MYT1L: variants seen among roughly 807,000 people sequenced by gnomAD.
MYT1L encodes the protein myelin transcription factor 1 like, also known as myelin transcription factor 1-like protein.
A neutral mutation model predicts 126.7 loss-of-function variants in MYT1L; 12 were observed. The ratio of observed to expected loss-of-function variants is 0.09; its 90% CI spans 0.06 to 0.15. The LOEUF is 0.15. Among genes scored for constraint, MYT1L ranks in the 10% least tolerant of loss-of-function variants. The pLI is 1.00. For missense variants in MYT1L, 979 were observed against 1,585.2 expected (o/e 0.62, Z 6.49); for synonymous variants, 541 against 604.2 (o/e 0.90, Z 1.53).
At chr2:2,129,855 G>A (rs1038526895) in intron 3 of MYT1L, among the ~76,000 whole-genome samples, 4 of 149,936 alleles carry the variant, frequency 2.7e-5, no homozygotes, top group Non-Finnish European at 4.4e-5. Flanking sequence ...GCAGTGAGCC[G>A]AGATTGGGCC....
intron 3 of MYT1L, among the ~76,000 whole-genome samples, chr2:2,127,306 C>T (rs1160561395): frequency 6.6e-6 from 1 of 152,188 alleles, no homozygotes; most frequent in African/African-American, 2.4e-5. Context: ...ATTATGCACA[C>T]ACACTGAAGC....
chr2:2,290,649 C>T (rs574873452), intron 1 of MYT1L, among the ~76,000 whole-genome samples: 246 of 152,298 alleles, frequency 1.6e-3, no homozygotes, highest in Non-Finnish European at 3.0e-3. Flanking sequence ...CACACATGCT[C>T]TGACGTAGAG....
intron 4 of MYT1L, among the ~76,000 whole-genome samples, chr2:2,009,244 T>C (rs915702784): frequency 6.6e-6 from 1 of 152,168 alleles, no homozygotes; most frequent in African/African-American, 2.4e-5. Context: ...ATTGCTATTG[T>C]TGCTATTGAA....
chr2:2,046,796 C>A (rs888391994), intron 4 of MYT1L, among the ~76,000 whole-genome samples: 1 of 152,168 alleles, frequency 6.6e-6, no homozygotes, highest in Non-Finnish European at 1.5e-5. Flanking sequence ...AGGATACACC[C>A]TTTCTGAGCT....
At chr2:2,240,830 C>T (rs2094425151) in intron 2 of MYT1L, among the ~76,000 whole-genome samples, 1 of 152,182 alleles carries the variant, frequency 6.6e-6, no homozygotes, top group Non-Finnish European at 1.5e-5. Context: ...TCTATTCCTA[C>T]CACTGTCATG....
chr2:2,164,659 G>A (rs2088702023), intron 3 of MYT1L, among the ~76,000 whole-genome samples: 1 of 152,200 alleles, frequency 6.6e-6, no homozygotes, highest in Admixed American at 6.5e-5. Context: ...GGGAATGAAT[G>A]AGAAGAAATA....
intron 4 of MYT1L, among the ~76,000 whole-genome samples, chr2:2,042,670 C>T (rs566493061): frequency 6.6e-6 from 1 of 152,268 alleles, no homozygotes; most frequent in South Asian, 2.1e-4. Context: ...CCTGTCCCTG[C>T]ACCAATGGTC....
At chr2:1,919,881 ACCACGC>A (rs1031957582) in intron 10 of MYT1L, among the ~76,000 whole-genome samples, 5 of 151,970 alleles carry the variant, frequency 3.3e-5, no homozygotes, top group Admixed American at 2.6e-4. Context: ...GGCGCCCACC[ACCACGC>A]CCGGCTGACT....
At chr2:2,245,906 G>A (rs192819118) in intron 2 of MYT1L, among the ~76,000 whole-genome samples, 1 of 152,226 alleles carries the variant, frequency 6.6e-6, no homozygotes, top group East Asian at 1.9e-4. Flanking sequence ...CACACGGGTG[G>A]CCTCTAGAAG....
At chr2:2,243,094 C>T (rs1450291385) in intron 2 of MYT1L, among the ~76,000 whole-genome samples, 1 of 152,062 alleles carries the variant, frequency 6.6e-6, no homozygotes, top group Non-Finnish European at 1.5e-5. Context: ...GAAGGAAGGG[C>T]CCCAGGTGGA....
chr2:2,002,404 T>C (rs2062482902), intron 4 of MYT1L, among the ~76,000 whole-genome samples: 1 of 152,194 alleles, frequency 6.6e-6, no homozygotes, highest in African/African-American at 2.4e-5. Context: ...TATCTCTCAG[T>C]TTCATGTAGA....
Position 1,892,286 on chromosome 2 carries a change from C to T in MYT1L, c.2034G>A (p.Ala678=), listed in dbSNP as rs1171415102. ...RDISPKGYDD[A]KRYCKDPSPS... is the part of the protein sequence containing the mutation. ...GGCTGGGGTCCTTGCAGTACCGCTT[C>T]GCTGGGGAGACAGGGACAGGGATGA... Residue 678 remains alanine, a splice_region_variant and synonymous_variant, in exon 15 of 25, where the codon GCG becomes GCA. Transcript: ENST00000647738. 3.9e-6 allele frequency: 6 copies of T among 1,547,726 alleles called. No homozygotes were observed. Among genetic ancestry groups the T allele is most frequent in the Non-Finnish European group, 4.4e-6 (5 of 1,145,844 alleles).
At position 1,801,543 on chromosome 2, in the gene MYT1L, G is replaced by A; in HGVS notation, c.3276+153C>T. 1.7e-6 allele frequency: 1 copy of A among 591,546 alleles called. No individual in the cohort carries two copies. Among genetic ancestry groups the A allele is most frequent in the Non-Finnish European group, 3.0e-6 (1 of 335,552 alleles). The allele number at this position is 591,546 out of a possible 1,614,324, so 36.6% of individuals were successfully genotyped here. ...CGAACACTGCCACGGAATGGTGTCT[G>A]CGGAAGACCAATATCATAAGGTGGA... is the stretch of plus-strand genomic sequence containing the variant. On this transcript the variant is annotated intron_variant, in intron 23 of 24. Transcript: ENST00000647738. This position sits in a 1 kb window ranked among gnomAD's most constrained non-coding sequence, Gnocchi z 4.2.
intron 2 of MYT1L, among the ~76,000 whole-genome samples, chr2:2,216,986 G>C (rs2093694937): frequency 6.6e-6 from 1 of 152,138 alleles, no homozygotes; most frequent in African/African-American, 2.4e-5. Flanking sequence ...TAAGAAATAG[G>C]TATCTTGGAA....
chr2:2,021,876 A>G (rs2065068674), intron 4 of MYT1L, among the ~76,000 whole-genome samples: 1 of 152,096 alleles, frequency 6.6e-6, no homozygotes, highest in Admixed American at 6.5e-5. Flanking sequence ...CAGCCTGGGC[A>G]ACAGAGCGAG....
intron 8 of MYT1L, among the ~76,000 whole-genome samples, chr2:1,954,974 A>AAAAG (rs542972122): frequency 2.3e-3 from 343 of 151,828 alleles, no homozygotes; most frequent in Middle Eastern, 3.4e-3. Flanking sequence ...AGAAAGAAAG[A>AAAAG]AAAGAAAGAA....
chr2:1,913,360 C>T (rs886852306), intron 11 of MYT1L, among the ~76,000 whole-genome samples: 1 of 152,076 alleles, frequency 6.6e-6, no homozygotes, highest in African/African-American at 2.4e-5. Context: ...CAAAGTGAGT[C>T]CACCTTTGGT....
intron 2 of MYT1L, among the ~76,000 whole-genome samples, chr2:2,202,382 A>G (rs1302808715): frequency 6.6e-6 from 1 of 152,214 alleles, no homozygotes; most frequent in Non-Finnish European, 1.5e-5. Context: ...TAGCAAGACT[A>G]ATAAAGAAGA....
rs755230710 is a variant in MYT1L at position 1,943,974 on chromosome 2, C to T, written c.153-640G>A. ...TTAGATGTTATTAGTCCCACGCCAG[C>T]ATTCCAGAAAACAACTTCAGTGTTA... On this transcript the variant is annotated intron_variant, in intron 8 of 24. Coordinates refer to ENST00000647738, the MANE Select transcript of MYT1L (RefSeq NM_001303052.2). The surrounding 1 kb of genome is among the most constrained non-coding windows in gnomAD (Gnocchi z 4.4). Among the ~76,000 whole-genome samples, 34 of 152,220 alleles carry T rather than the reference C, an allele frequency of 2.2e-4. No individual in the cohort carries two copies. Among genetic ancestry groups the T allele is most frequent in the Non-Finnish European group, 4.1e-4 (28 of 68,040 alleles).
Sources: allele counts gnomAD v4.1 joint callset (sites outside exome capture counted in the v4.1 genomes callset), GRCh38; gene constraint gnomAD v4.1.1; non-coding constraint Gnocchi (gnomAD v3.1); transcripts MANE v1.5; gene names NCBI Gene and HGNC (gene_info 2026-07-23, HGNC 2026-07-21).